SLC37A1: variants seen among roughly 807,000 people sequenced by gnomAD.
The protein encoded by SLC37A1 is solute carrier family 37 member 1.
In SLC37A1, 49 loss-of-function variants were observed where a neutral mutation model predicts 75.3. The observed-to-expected ratio is 0.65, with a 90% CI of 0.52 to 0.83. The LOEUF is 0.83. Among genes scored for constraint, SLC37A1 ranks in the 40% least tolerant of loss-of-function variants. The pLI is 0.00. For synonymous variants in SLC37A1, 268 were observed against 292.1 expected, an observed-to-expected ratio of 0.92 and a Z score of 0.84; for missense variants, 566 against 695.0, an observed-to-expected ratio of 0.81 and a Z score of 2.09.
At chr21:42,575,026 G>A (rs563727279) in intron 18 of SLC37A1, 111 bp downstream of exon 18, 3 of 1,503,514 alleles carry the variant, frequency 2.0e-6, no homozygotes, top group East Asian at 4.8e-5. Flanking sequence ...AGAGAGGTTT[G>A]GGTCTTCCCA....
intron 6 of SLC37A1, among the ~76,000 whole-genome samples, chr21:42,539,967 C>A (rs228067): frequency 0.38 from 58,041 of 152,074 alleles, 12,104 homozygotes; most frequent in Admixed American, 0.57. Flanking sequence ...TTTTATCTTG[C>A]GAAAGATTTG....
At chr21:42,567,381 C>A (rs2056007844) in intron 16 of SLC37A1, among the ~76,000 whole-genome samples, 1 of 152,194 alleles carries the variant, frequency 6.6e-6, no homozygotes, top group Non-Finnish European at 1.5e-5. Flanking sequence ...GAGAGAGGGG[C>A]CACGAAGAGG....
At chr21:42,574,602 G>A (rs423535) in intron 17 of SLC37A1, among the ~76,000 whole-genome samples, 75,490 of 152,062 alleles carry the variant, frequency 0.5, 21,032 homozygotes, top group Admixed American at 0.65. Context: ...TACAAATTCT[G>A]GAGATTTTGG....
chr21:42,561,723 A>G (rs1034116635), intron 11 of SLC37A1: 6 of 220,942 alleles, frequency 2.7e-5, no homozygotes, highest in African/African-American at 1.4e-4. Flanking sequence ...GAAATTCAGA[A>G]ACGCCGTAGA....
intron 6 of SLC37A1, among the ~76,000 whole-genome samples, chr21:42,540,080 T>C (rs905133473): frequency 1.3e-5 from 2 of 152,126 alleles, no homozygotes; most frequent in South Asian, 2.1e-4. Context: ...CCCCAAACCA[T>C]CCCAAGATGG....
At chr21:42,529,707 A>C (rs775740526) in intron 3 of SLC37A1, among the ~76,000 whole-genome samples, 1 of 152,258 alleles carries the variant, frequency 6.6e-6, no homozygotes, top group East Asian at 1.9e-4. Flanking sequence ...AGCAGTTTAC[A>C]GACACGGAAT....
chr21:42,533,694 C>G (rs532802758), intron 3 of SLC37A1, among the ~76,000 whole-genome samples: 2 of 152,240 alleles, frequency 1.3e-5, no homozygotes, highest in Admixed American at 6.5e-5. Context: ...TTCACAAGGG[C>G]CGTGTCATCC....
chr21:42,558,595 C>G (rs1276347194), intron 10 of SLC37A1, among the ~76,000 whole-genome samples: 2 of 152,148 alleles, frequency 1.3e-5, no homozygotes, highest in Non-Finnish European at 2.9e-5. Flanking sequence ...ATTAAAATCT[C>G]CCAACCTTTT....
upstream of SLC37A1, among the ~76,000 whole-genome samples, chr21:42,513,388 G>A (rs1278137631): frequency 1.3e-5 from 2 of 152,248 alleles, no homozygotes; most frequent in Non-Finnish European, 2.9e-5. Context: ...TCCACGCTAT[G>A]GAGTGCTAGT....
chr21:42,560,553 A>C (rs540778910), intron 11 of SLC37A1: 2 of 152,386 alleles, frequency 1.3e-5, no homozygotes, highest in South Asian at 4.1e-4. Flanking sequence ...ATATCACAGA[A>C]ATTAAAGACT....
chr21:42,536,613 G>A (rs2055143807), intron 5 of SLC37A1, among the ~76,000 whole-genome samples: 1 of 152,240 alleles, frequency 6.6e-6, no homozygotes, highest in Admixed American at 6.5e-5. Flanking sequence ...TTGGGCAGCT[G>A]CATCTGGCAA....
chr21:42,524,513 C>T (rs1440410879), intron 2 of SLC37A1, among the ~76,000 whole-genome samples: 7 of 152,132 alleles, frequency 4.6e-5, no homozygotes, highest in African/African-American at 1.2e-4. Flanking sequence ...CTTTGAGGGC[C>T]GTGAAATATT....
chr21:42,559,618 A>G (rs1452461699), intron 11 of SLC37A1, among the ~76,000 whole-genome samples: 5 of 152,230 alleles, frequency 3.3e-5, no homozygotes, highest in African/African-American at 4.8e-5. Flanking sequence ...GCTCACGCCT[A>G]TAATCCCAGC....
intron 2 of SLC37A1, chr21:42,502,941 G>A (rs926939896): frequency 6.6e-6 from 1 of 152,142 alleles, no homozygotes; most frequent in African/African-American, 2.4e-5. Context: ...AGAAAATAAA[G>A]AAAACCAATA....
chr21:42,528,768 G>A (rs1433944098), intron 3 of SLC37A1, among the ~76,000 whole-genome samples: 2 of 152,208 alleles, frequency 1.3e-5, no homozygotes, highest in Non-Finnish European at 2.9e-5. Flanking sequence ...GGCGAAGTTT[G>A]CAGTGAGCCG....
At chr21:42,575,552 C>A (rs1049784659) in intron 18 of SLC37A1, 1 of 985,322 alleles carries the variant, frequency 1.0e-6, no homozygotes, top group Non-Finnish European at 1.2e-6. Context: ...GTAAGGAAGA[C>A]CAGTGATGAT....
In SLC37A1 at chr21:42,556,587, T is replaced by G. The variant is rs377643775; in HGVS notation, c.850-2371T>G. Among the ~76,000 whole-genome samples the G allele has an allele frequency of 7.2e-5, 11 of 152,346 alleles. 2 individuals are homozygous for G. Among genetic ancestry groups the G allele is most frequent in the East Asian group, 1.9e-4 (1 of 5,178 alleles). On this transcript the variant is annotated intron_variant, in intron 10 of 19. Coordinates refer to ENST00000352133, the MANE Select transcript of SLC37A1 (RefSeq NM_001320537.2). ...GGGAACCCTTTTCTCTTTGAAAGTG[T>G]AAGCCCTAAGCGTGGAGTGCACTGG...
intron 5 of SLC37A1, among the ~76,000 whole-genome samples, chr21:42,537,215 A>G (rs228059): frequency 0.8 from 122,191 of 152,174 alleles, 50,020 homozygotes; most frequent in African/African-American, 0.87. Context: ...GAACTTGTCT[A>G]AGTGAACAAA....
At chr21:42,559,128 G>A (rs755287946) in intron 11 of SLC37A1, 39 bp downstream of exon 11, 5 of 1,586,556 alleles carry the variant, frequency 3.2e-6, no homozygotes, top group Non-Finnish European at 4.3e-6. Context: ...AGAAAGGGCT[G>A]CTGTGCTGGC....
Sources: allele counts gnomAD v4.1 joint callset (sites outside exome capture counted in the v4.1 genomes callset), GRCh38; gene constraint gnomAD v4.1.1; transcripts MANE v1.5; gene names NCBI Gene and HGNC (gene_info 2026-07-23, HGNC 2026-07-21).